The following SRPK2 variants were observed in gnomAD, a reference collection of about 807,000 sequenced individuals.
SRPK2 encodes SFRS protein kinase 2.
Under a neutral mutation model 90.8 loss-of-function variants are expected in SRPK2, and 21 were observed. The ratio of observed to expected loss-of-function variants is 0.23; its 90% confidence interval spans 0.16 to 0.33. SRPK2 has a LOEUF of 0.33. SRPK2 is among the 10% of genes least tolerant of loss of function. The pLI, the probability that SRPK2 is intolerant of heterozygous loss-of-function variation, is 1.00. For synonymous variants in SRPK2, 288 were observed against 311.1 expected (o/e 0.93, Z 0.78); for missense variants, 620 against 869.0 (o/e 0.71, Z 3.60).
At chr7:105,159,775 C>A (rs558881663) in intron 7 of SRPK2, among the ~76,000 whole-genome samples, 1 of 152,182 alleles carries the variant, frequency 6.6e-6, no homozygotes, top group Non-Finnish European at 1.5e-5. Context: ...ACAAAACACA[C>A]ATCTAATACA....
chr7:105,310,354 A>C (rs1449379573), intron 2 of SRPK2, among the ~76,000 whole-genome samples: 2 of 152,234 alleles, frequency 1.3e-5, no homozygotes, highest in African/African-American at 4.8e-5. Context: ...TATTTTAGTA[A>C]AATGTTCTCT....
intron 2 of SRPK2, among the ~76,000 whole-genome samples, chr7:105,375,719 C>T (rs1287933983): frequency 6.6e-6 from 1 of 152,094 alleles, no homozygotes; most frequent in Non-Finnish European, 1.5e-5. Flanking sequence ...GAATATTTAC[C>T]ACAGGTCCAC....
intron 3 of SRPK2, among the ~76,000 whole-genome samples, chr7:105,188,991 G>A (rs73715438): frequency 0.041 from 6,220 of 152,216 alleles, 451 homozygotes; most frequent in African/African-American, 0.14. Context: ...GAGGGAGGAA[G>A]GGACAGAGAA....
At chr7:105,276,784 G>A (rs1806557378) in intron 2 of SRPK2, among the ~76,000 whole-genome samples, 1 of 152,068 alleles carries the variant, frequency 6.6e-6, no homozygotes, top group South Asian at 2.1e-4. Context: ...AAATGACAGG[G>A]AATACTGCAA....
At chr7:105,130,331 A>G (rs1373142360) in intron 13 of SRPK2, among the ~76,000 whole-genome samples, 1 of 152,194 alleles carries the variant, frequency 6.6e-6, no homozygotes, top group African/African-American at 2.4e-5. Flanking sequence ...CGGGTGGATC[A>G]CTTGAGCTCA....
At chr7:105,122,817 G>A (rs145853656) in intron 15 of SRPK2, among the ~76,000 whole-genome samples, 20 of 151,160 alleles carry the variant, frequency 1.3e-4, no homozygotes, top group Non-Finnish European at 2.1e-4. Context: ...ACACGCGCGC[G>A]CACACATGCA....
chr7:105,185,295 T>G (rs2129601462), intron 3 of SRPK2, among the ~76,000 whole-genome samples: 1 of 151,362 alleles, frequency 6.6e-6, no homozygotes, highest in South Asian at 2.1e-4. Flanking sequence ...AAAGAAAAAA[T>G]TCTTAGTAAC....
rs116707587 is a variant in SRPK2 at position 105,298,454 on chromosome 7, T to C, written c.71+90194A>G. 3.8e-3 allele frequency among the ~76,000 whole-genome samples: 576 copies of C among 152,288 alleles called. 3 individuals carry two copies. Among genetic ancestry groups the C allele is most frequent in the African/African-American group, 0.013 (540 of 41,550 alleles). On this transcript the variant is annotated intron_variant, in intron 2 of 15. Transcript: ENST00000393651. ...AAATGCTGCTACAAGCAGTTACATA[T>C]AGGTTTTTTTTCTGAACCTAAGTTT...
intron 7 of SRPK2, among the ~76,000 whole-genome samples, chr7:105,152,023 C>CAAA (rs34579509): frequency 1.8e-5 from 2 of 108,302 alleles, no homozygotes; most frequent in Admixed American, 9.5e-5. Flanking sequence ...GGTTCTGTCT[C>CAAA]AAAAAAAAAA....
At chr7:105,144,444 T>A (rs900691075) in intron 9 of SRPK2, among the ~76,000 whole-genome samples, 7 of 151,864 alleles carry the variant, frequency 4.6e-5, no homozygotes, top group Admixed American at 4.6e-4. Flanking sequence ...TTTCACCATG[T>A]TGGCCAGGCT....
chr7:105,299,277 A>T lies in SRPK2; in HGVS notation c.71+89371T>A, dbSNP rs73409846. Among the ~76,000 whole-genome samples, 492 of 152,330 alleles carry T rather than the reference A, an allele frequency of 3.2e-3. 3 individuals carry two copies. The highest frequency in any genetic ancestry group is 0.011 in the African/African-American group (471 of 41,564). The stretch of plus-strand genomic sequence containing the variant: ...AGCTTTAAAAGTTAAAATCTTTGCT[A>T]CGTCAACCACTTTTGTTTTCATTTT... On this transcript the variant is annotated intron_variant, in intron 2 of 15. Transcript: ENST00000393651.
At chr7:105,300,782 T>A (rs1026263387) in intron 2 of SRPK2, among the ~76,000 whole-genome samples, 2 of 152,054 alleles carry the variant, frequency 1.3e-5, no homozygotes, top group African/African-American at 4.8e-5. Context: ...TCATCACTAG[T>A]CATCAAAAAA....
At position 105,164,447 on chromosome 7, in the gene SRPK2, C is replaced by T. The variant is rs188064133; in HGVS notation, c.514+2930G>A. Among the ~76,000 whole-genome samples the T allele has an allele frequency of 2.7e-3, 415 of 152,198 alleles. 1 individual carries two copies. Among genetic ancestry groups the T allele is most frequent in the African/African-American group, 9.3e-3 (385 of 41,532 alleles). ...CCTTATTATCCTTATTTGGCTACTC[C>T]TAATTTTTGTTTCTTAATCTTAAAA... On this transcript the variant is annotated intron_variant, in intron 6 of 15. Transcript: ENST00000393651.
At chr7:105,319,502 G>A (rs1340314178) in intron 2 of SRPK2, among the ~76,000 whole-genome samples, 2 of 94,958 alleles carry the variant, frequency 2.1e-5, no homozygotes, top group Non-Finnish European at 4.5e-5. Flanking sequence ...ATGCACTTGC[G>A]GCGGGGGGGG....
At chr7:105,383,579 C>T (rs1219646409) in intron 2 of SRPK2, among the ~76,000 whole-genome samples, 1 of 151,444 alleles carries the variant, frequency 6.6e-6, no homozygotes, top group African/African-American at 2.4e-5. Flanking sequence ...CACTACCATG[C>T]CAGGCAATTT....
intron 2 of SRPK2, among the ~76,000 whole-genome samples, chr7:105,352,091 G>A (rs1427842677): frequency 6.6e-6 from 1 of 152,132 alleles, no homozygotes; most frequent in African/African-American, 2.4e-5. Flanking sequence ...TATGGAGCAA[G>A]CAGCAGAGCT....
intron 7 of SRPK2, among the ~76,000 whole-genome samples, chr7:105,155,998 G>A (rs1225528868): frequency 6.6e-6 from 1 of 152,172 alleles, no homozygotes; most frequent in East Asian, 1.9e-4. Context: ...AGATTCCAGA[G>A]GGAAATAGGG....
intron 7 of SRPK2, among the ~76,000 whole-genome samples, chr7:105,157,158 AGAGG>A (rs1272046699): frequency 6.6e-6 from 1 of 152,242 alleles, no homozygotes; most frequent in African/African-American, 2.4e-5. Flanking sequence ...CCTGAACTAA[AGAGG>A]ACAGCAACAG....
At chr7:105,356,846 T>C (rs1752122337) in intron 2 of SRPK2, among the ~76,000 whole-genome samples, 2 of 152,156 alleles carry the variant, frequency 1.3e-5, no homozygotes, top group South Asian at 2.1e-4. Context: ...GGAAGATACA[T>C]GATAGAGGCA....
Sources: gnomAD v4.1 joint callset for allele counts (sites outside exome capture counted in the v4.1 genomes callset) on GRCh38, gnomAD v4.1.1 for gene constraint, MANE v1.5 for transcripts, NCBI Gene and HGNC (gene_info 2026-07-23, HGNC 2026-07-21) for gene names.